The following XKR9 variants were observed in gnomAD, a reference collection of about 807,000 sequenced individuals.
The protein encoded by XKR9 is XK-related protein 9.
Under a neutral mutation model 32.0 loss-of-function variants are expected in XKR9, and 32 were observed. That is an observed-to-expected ratio of 1.00 (90% confidence interval 0.76 to 1.34). The LOEUF (loss-of-function observed/expected upper bound fraction) is 1.34, where lower values mean the gene tolerates loss of function less well. Among genes scored for constraint, XKR9 ranks in the 40% most tolerant of loss-of-function variants. The pLI is 0.00. For synonymous variants in XKR9, 168 were observed against 143.4 expected, an observed-to-expected ratio of 1.17 and a Z score of -1.22; for missense variants, 546 against 429.7, an observed-to-expected ratio of 1.27 and a Z score of -2.39.
At chr8:71,001,084 G>A in the XKR9 span, among the ~76,000 whole-genome samples, 37 of 152,244 alleles carry the variant, frequency 2.4e-4, no homozygotes, top group African/African-American at 8.7e-4. Flanking sequence ...TTCTCACAAG[G>A]TGATCACAAA....
chr8:70,763,176 T>C (rs1201763605), intron 2 of XKR9, among the ~76,000 whole-genome samples: 1 of 70,328 alleles, frequency 1.4e-5, no homozygotes, highest in Non-Finnish European at 4.6e-5. Context: ...TAAGGGGTCT[T>C]TGATAGTATA....
chr8:70,811,085 A>G, the XKR9 span, among the ~76,000 whole-genome samples: 1 of 152,302 alleles, frequency 6.6e-6, no homozygotes, highest in Non-Finnish European at 1.5e-5. Context: ...ATTATAACAA[A>G]CTGTCTCACA....
chr8:70,703,329 A>C (rs1231692677), intron 3 of XKR9, among the ~76,000 whole-genome samples: 1 of 151,328 alleles, frequency 6.6e-6, no homozygotes, highest in African/African-American at 2.4e-5. Context: ...AAGTCTTTTG[A>C]GTGTTAGTCT....
the XKR9 span, among the ~76,000 whole-genome samples, chr8:70,894,528 T>C: frequency 6.6e-6 from 1 of 152,050 alleles, no homozygotes; most frequent in African/African-American, 2.4e-5. Flanking sequence ...ATGATACCAA[T>C]TCCCCAGGGG....
chr8:71,028,870 G>T, the XKR9 span, among the ~76,000 whole-genome samples: 1 of 151,638 alleles, frequency 6.6e-6, no homozygotes, highest in African/African-American at 2.4e-5. Context: ...TTTTGTAGAG[G>T]CTAAGAGTAT....
chr8:70,815,008 T>G, the XKR9 span, among the ~76,000 whole-genome samples: 1 of 152,108 alleles, frequency 6.6e-6, no homozygotes, highest in Non-Finnish European at 1.5e-5. Context: ...CTACAAAAGA[T>G]AAAATGCCTA....
chr8:70,728,943 G>T (rs1421148655), intron 4 of XKR9, among the ~76,000 whole-genome samples: 1 of 152,072 alleles, frequency 6.6e-6, no homozygotes, highest in Non-Finnish European at 1.5e-5. Flanking sequence ...CTCTCCTCTT[G>T]AGGTCCCAGG....
At chr8:70,804,320 G>A in the XKR9 span, among the ~76,000 whole-genome samples, 2 of 152,364 alleles carry the variant, frequency 1.3e-5, no homozygotes, top group Middle Eastern at 3.4e-3. Flanking sequence ...AGAGAAGTAA[G>A]ACTGCTGGGT....
At chr8:70,784,052 C>A (rs960066686) in intron 2 of XKR9, among the ~76,000 whole-genome samples, 1 of 152,094 alleles carries the variant, frequency 6.6e-6, no homozygotes, top group Non-Finnish European at 1.5e-5. Flanking sequence ...TTCTGTTCTG[C>A]TGTTCTATAT....
At chr8:70,980,313 GGAA>G in the XKR9 span, among the ~76,000 whole-genome samples, 1 of 152,150 alleles carries the variant, frequency 6.6e-6, no homozygotes, top group Non-Finnish European at 1.5e-5. Context: ...TACCTCAGTT[GGAA>G]ATACAGAAAT....
chr8:70,762,135 G>T (rs1267540284), intron 2 of XKR9, among the ~76,000 whole-genome samples: 3 of 152,066 alleles, frequency 2.0e-5, no homozygotes, highest in Non-Finnish European at 4.4e-5. Flanking sequence ...GTAGTGTGAT[G>T]CCTTCAGCTT....
intron 4 of XKR9, among the ~76,000 whole-genome samples, chr8:70,711,249 A>G (rs1274216679): frequency 6.6e-6 from 1 of 152,224 alleles, no homozygotes; most frequent in African/African-American, 2.4e-5. Flanking sequence ...CAGAATTACC[A>G]TTCAACACAG....
chr8:71,042,655 T>C, the XKR9 span, among the ~76,000 whole-genome samples: 2 of 152,010 alleles, frequency 1.3e-5, no homozygotes, highest in Non-Finnish European at 2.9e-5. Context: ...TTTAGTATAT[T>C]TAAAATATAC....
At chr8:71,014,849 G>C in the XKR9 span, among the ~76,000 whole-genome samples, 3,048 of 152,218 alleles carry the variant, frequency 0.02, 85 homozygotes, top group African/African-American at 0.071. Flanking sequence ...TGATGACTAG[G>C]AAAGATATTT....
intron 4 of XKR9, among the ~76,000 whole-genome samples, chr8:70,726,942 A>G (rs1399015101): frequency 2.5e-4 from 38 of 152,146 alleles, no homozygotes; most frequent in Non-Finnish European, 2.9e-5. Flanking sequence ...TTAGACATCC[A>G]CCTTACAGTC....
chr8:71,035,081 G>A, the XKR9 span, among the ~76,000 whole-genome samples: 5 of 152,066 alleles, frequency 3.3e-5, no homozygotes, highest in African/African-American at 1.2e-4. Context: ...TAAATACGTG[G>A]GAGTGGAATT....
the XKR9 span, among the ~76,000 whole-genome samples, chr8:70,895,226 T>G: frequency 1.3e-5 from 2 of 152,090 alleles, no homozygotes; most frequent in African/African-American, 4.8e-5. Context: ...GATGGGGTGG[T>G]GAAGGATCAG....
chr8:70,832,875 C>CGAGGA, the XKR9 span, among the ~76,000 whole-genome samples: 2 of 152,092 alleles, frequency 1.3e-5, no homozygotes, highest in Non-Finnish European at 2.9e-5. Context: ...ATAAGCCCCA[C>CGAGGA]GAGGAGAAGA....
chr8:71,047,571 A>C, the XKR9 span, among the ~76,000 whole-genome samples: 1 of 152,230 alleles, frequency 6.6e-6, no homozygotes, highest in Non-Finnish European at 1.5e-5. Context: ...CTTTCCAGGA[A>C]GCATTTCCAG....
Sources: allele counts gnomAD v4.1 joint callset (sites outside exome capture counted in the v4.1 genomes callset), GRCh38; gene constraint gnomAD v4.1.1; transcripts MANE v1.5; gene names NCBI Gene and HGNC (gene_info 2026-07-23, HGNC 2026-07-21).